Variants in CERK observed in about 807,000 individuals in gnomAD.
CERK encodes the protein acylsphingosine kinase.
Under a neutral mutation model 63.4 loss-of-function variants are expected in CERK, and 39 were observed. That is an observed-to-expected ratio of 0.61 (90% confidence interval 0.48 to 0.80). The LOEUF is 0.80. Ranked by LOEUF, CERK falls within the 30% of genes least tolerant of loss-of-function variation. The pLI, the probability that CERK is intolerant of heterozygous loss-of-function variation, is 0.00. For synonymous variants in CERK, 302 were observed against 280.0 expected, an observed-to-expected ratio of 1.08 and a Z score of -0.78; for missense variants, 670 against 714.1, an observed-to-expected ratio of 0.94 and a Z score of 0.70.
intron 1 of CERK, among the ~76,000 whole-genome samples, chr22:46,725,196 A>G (rs1412894008): frequency 1.3e-5 from 2 of 151,988 alleles, no homozygotes; most frequent in Non-Finnish European, 2.9e-5. Context: ...TCGGTGTGTC[A>G]TCGGCATTAC....
intron 4 of CERK, among the ~76,000 whole-genome samples, chr22:46,711,418 T>C (rs1290171140): frequency 1.3e-5 from 2 of 152,210 alleles, no homozygotes; most frequent in South Asian, 4.1e-4. Flanking sequence ...ATAATTTCTT[T>C]GAAAGAGATT....
intron 3 of CERK, among the ~76,000 whole-genome samples, chr22:46,713,816 G>A (rs2082854990): frequency 6.6e-6 from 1 of 152,176 alleles, no homozygotes; most frequent in African/African-American, 2.4e-5. Flanking sequence ...AGGTATGTGT[G>A]TTTCAGAAGT....
intron 1 of CERK, among the ~76,000 whole-genome samples, chr22:46,734,917 G>C (rs924071392): frequency 6.6e-5 from 10 of 152,236 alleles, no homozygotes; most frequent in East Asian, 3.9e-4. Context: ...GTTTTGCCAG[G>C]CACTTTGCAG....
chr22:46,720,061 T>C (rs1452697190), intron 3 of CERK, 25 bp downstream of exon 3: 3 of 1,607,566 alleles, frequency 1.9e-6, no homozygotes, highest in Non-Finnish European at 2.6e-6. Context: ...GGCCATCCTG[T>C]CTCTCAGTCC....
intron 6 of CERK, 33 bp from the exon 7 acceptor site, chr22:46,701,743 T>C (rs1569321787): frequency 6.6e-7 from 1 of 1,512,134 alleles, no homozygotes; most frequent in East Asian, 2.5e-5. Context: ...CCAAATAGCA[T>C]CAGAATAACA....
intron 9 of CERK, among the ~76,000 whole-genome samples, chr22:46,694,796 T>C (rs1373111613): frequency 6.6e-6 from 1 of 152,206 alleles, no homozygotes; most frequent in Non-Finnish European, 1.5e-5. Flanking sequence ...CAGCCAGCTC[T>C]ACCAACGGTC....
chr22:46,730,710 C>T (rs1017632734), intron 1 of CERK, among the ~76,000 whole-genome samples: 11 of 152,196 alleles, frequency 7.2e-5, no homozygotes, highest in East Asian at 1.9e-4. Flanking sequence ...GGACGTCACA[C>T]ATGAAACAAA....
At chr22:46,702,178 A>AG (rs1491411148) in intron 6 of CERK, among the ~76,000 whole-genome samples, 1 of 24,360 alleles carries the variant, frequency 4.1e-5, no homozygotes, top group Non-Finnish European at 1.5e-4. Context: ...ACTTCGTCTC[A>AG]AAAAAAAAAA....
intron 5 of CERK, among the ~76,000 whole-genome samples, chr22:46,710,150 CG>C (rs911237821): frequency 4.4e-4 from 67 of 152,128 alleles, no homozygotes; most frequent in African/African-American, 1.6e-3. Context: ...GTAAACTGGC[CG>C]GGCGCGGTGG....
At chr22:46,715,603 T>C (rs2082862547) in intron 3 of CERK, among the ~76,000 whole-genome samples, 1 of 152,146 alleles carries the variant, frequency 6.6e-6, no homozygotes. Context: ...GGAGGATCGC[T>C]TGAGCCCACT....
rs757468137 is a variant in CERK, at chr22:46,707,854, A to C, written c.704T>G (p.Ile235Ser). ...GGCCGGCTCCATACCTGCGGGAATGATTCCAATCCGGAGGCTACTGGGGAC... is the reference window on the plus strand; with the variant it reads ...GGCCGGCTCCATACCTGCGGGAATGCTTCCAATCCGGAGGCTACTGGGGAC... ...VLVPSSLRIG[I>S]IPAGSTDCVC... Residue 235 changes from isoleucine (I) to serine (S), a missense_variant, in exon 6 of 13, where the codon ATC becomes AGC. Coordinates refer to ENST00000216264, the MANE Select transcript of CERK (RefSeq NM_022766.6). 1 of 1,610,222 alleles carries C rather than the reference A, an allele frequency of 6.2e-7. No individual in the cohort carries two copies. Among genetic ancestry groups the C allele is most frequent in the African/African-American group, 1.3e-5 (1 of 74,796 alleles).
At chr22:46,701,873 C>T (rs559719725) in intron 6 of CERK, among the ~76,000 whole-genome samples, 163 bp from the exon 7 acceptor site, 1 of 152,234 alleles carries the variant, frequency 6.6e-6, no homozygotes, top group East Asian at 1.9e-4. Context: ...AAAATACTAG[C>T]GTTGATTCCT....
At chr22:46,708,285 C>A (rs1008915916) in intron 5 of CERK, among the ~76,000 whole-genome samples, 1 of 152,256 alleles carries the variant, frequency 6.6e-6, no homozygotes, top group African/African-American at 2.4e-5. Flanking sequence ...AAAAACACTA[C>A]ACTCTGGGTC....
At chr22:46,699,142 C>T (rs141815768) in intron 8 of CERK, among the ~76,000 whole-genome samples, 171 bp downstream of exon 8, 1 of 152,220 alleles carries the variant, frequency 6.6e-6, no homozygotes, top group African/African-American at 2.4e-5. Context: ...GGTTCCAGTC[C>T]AGACCCTGCC....
chr22:46,721,906 G>A (rs2082894622), intron 1 of CERK, among the ~76,000 whole-genome samples: 1 of 152,208 alleles, frequency 6.6e-6, no homozygotes, highest in African/African-American at 2.4e-5. Flanking sequence ...TTCATCTGCT[G>A]GGCAGCTGTA....
At chr22:46,725,648 C>T (rs1439288943) in intron 1 of CERK, among the ~76,000 whole-genome samples, 2 of 152,334 alleles carry the variant, frequency 1.3e-5, no homozygotes, top group South Asian at 2.1e-4. Context: ...ACAGAATTCT[C>T]GTGAGACACC....
chr22:46,690,110 C>A lies in CERK; in HGVS notation c.1423G>T (p.Gly475Trp), dbSNP rs148346577. The A allele has an allele frequency of 5.4e-4, 877 of 1,614,094 alleles. 2 individuals are homozygous for A. Among genetic ancestry groups the A allele is most frequent in the East Asian group, 2.9e-3 (131 of 44,866 alleles). ...MEDEDSDLKE[G>W]GKKRFGHICS... ...ATGTGCCCAAAGCGCTTCTTCCCCC[C>A]CTCCTTGAGGTCGCTGTCCTCATCC... The change falls in exon 12 of 13, where the codon GGG (glycine) becomes TGG (tryptophan). Residue 475 changes from glycine (G) to tryptophan (W), a missense_variant. Physicochemically the swap from Gly to Trp is radical, Grantham distance 184. Transcript: ENST00000216264.
At chr22:46,687,377 C>T (rs1019229358) in intron 12 of CERK, among the ~76,000 whole-genome samples, 171 bp from the exon 13 acceptor site, 4 of 152,070 alleles carry the variant, frequency 2.6e-5, no homozygotes, top group Non-Finnish European at 4.4e-5. Flanking sequence ...CCCCATGGAA[C>T]GGTCAGACGT....
chr22:46,700,891 A>G (rs919705059), intron 7 of CERK, among the ~76,000 whole-genome samples: 2 of 151,728 alleles, frequency 1.3e-5, no homozygotes, highest in Non-Finnish European at 2.9e-5. Context: ...CGAGCCTGTA[A>G]TCCCAGCTAC....
Sources: allele counts gnomAD v4.1 joint callset (sites outside exome capture counted in the v4.1 genomes callset), GRCh38; gene constraint gnomAD v4.1.1; transcripts MANE v1.5; gene names NCBI Gene and HGNC (gene_info 2026-07-23, HGNC 2026-07-21).